Variants in RFTN1 observed in about 807,000 individuals in gnomAD.
RFTN1 encodes raftlin.
RFTN1 carries 26 observed loss-of-function variants against 46.5 expected under a neutral mutation model. That is an observed-to-expected ratio of 0.56 (90% confidence interval 0.41 to 0.78). The LOEUF is 0.78. RFTN1 is among the 30% of genes least tolerant of loss of function. The probability of loss-of-function intolerance (pLI) is 0.00; values close to 1 mark genes in which losing one functional copy is unlikely to be tolerated. For missense variants in RFTN1, 693 were observed against 718.7 expected (o/e 0.96, Z 0.41); for synonymous variants, 261 against 284.2 (o/e 0.92, Z 0.82).
At chr3:16,360,510 G>A (rs2072761748) in intron 6 of RFTN1, among the ~76,000 whole-genome samples, 2 of 152,168 alleles carry the variant, frequency 1.3e-5, no homozygotes, top group South Asian at 4.1e-4. Context: ...GCTGGTAAAG[G>A]TATGGTGATA....
At chr3:16,399,528 C>G (rs1247126948) in intron 4 of RFTN1, among the ~76,000 whole-genome samples, 1 of 152,212 alleles carries the variant, frequency 6.6e-6, no homozygotes, top group Non-Finnish European at 1.5e-5. Context: ...CCCCTGGCCT[C>G]CATCCCCCAC....
chr3:16,385,108 G>C lies in RFTN1; in HGVS notation c.442-7006C>G, dbSNP rs1448821149. On this transcript the variant is annotated intron_variant, in intron 4 of 9. Transcript: ENST00000334133. This position sits in a 1 kb window ranked among gnomAD's most constrained non-coding sequence, Gnocchi z 5.0. Reference sequence around the variant, plus strand: ...GACAACATAGCACAGCACACGCAGGGAGCCCACAGCAGAGGCATGCCCTAG... The same window carrying C: ...GACAACATAGCACAGCACACGCAGGCAGCCCACAGCAGAGGCATGCCCTAG... Among the ~76,000 whole-genome samples the C allele has an allele frequency of 6.6e-6, 1 of 152,110 alleles. No homozygotes were observed. The highest frequency in any genetic ancestry group is 6.5e-5 in the Admixed American group (1 of 15,278).
chr3:16,392,664 T>C (rs961476642), intron 4 of RFTN1, among the ~76,000 whole-genome samples: 2 of 113,436 alleles, frequency 1.8e-5, no homozygotes, highest in African/African-American at 4.9e-5. Flanking sequence ...TGTGTATATA[T>C]GTACACACAC....
chr3:16,329,599 C>A lies in RFTN1; in HGVS notation c.1147-2723G>T, dbSNP rs1367843660. Among the ~76,000 whole-genome samples, 1 of 152,178 alleles carries A rather than the reference C, an allele frequency of 6.6e-6. No individual in the cohort carries two copies. Among genetic ancestry groups the A allele is most frequent in the African/African-American group, 2.4e-5 (1 of 41,458 alleles). On this transcript the variant is annotated intron_variant, in intron 7 of 9. Coordinates refer to ENST00000334133, the MANE Select transcript of RFTN1 (RefSeq NM_015150.2). The surrounding 1 kb of genome is among the most constrained non-coding windows in gnomAD (Gnocchi z 4.5). ...CCCGTATTCCTCCTGCTGGGTGCCA[C>A]GCTCACCACCTGCTGAAGGAGTCCT...
At chr3:16,486,404 T>C (rs984261220) in intron 2 of RFTN1, among the ~76,000 whole-genome samples, 7 of 152,154 alleles carry the variant, frequency 4.6e-5, no homozygotes, top group African/African-American at 1.4e-4. Flanking sequence ...AGACCTTTCA[T>C]CATCTGGCCC....
chr3:16,353,916 C>A lies in RFTN1; in HGVS notation c.1146+4016G>T, dbSNP rs149226992. Among the ~76,000 whole-genome samples, 14 of 152,236 alleles carry A rather than the reference C, an allele frequency of 9.2e-5. 2 individuals carry two copies. Among genetic ancestry groups the A allele is most frequent in the Admixed American group, 2.0e-4 (3 of 15,298 alleles). On this transcript the variant is annotated intron_variant, in intron 7 of 9. Transcript: ENST00000334133. This position sits in a 1 kb window ranked among gnomAD's most constrained non-coding sequence, Gnocchi z 5.4. Reference sequence around the variant, plus strand: ...GGAAAGAAATTTCTGTCGTTTAATCCGTCTAGTCTGGTATTTTGTTATGGC... The same window carrying A: ...GGAAAGAAATTTCTGTCGTTTAATCAGTCTAGTCTGGTATTTTGTTATGGC...
At chr3:16,347,419 C>A (rs960930021) in intron 7 of RFTN1, among the ~76,000 whole-genome samples, 1 of 152,252 alleles carries the variant, frequency 6.6e-6, no homozygotes, top group South Asian at 2.1e-4. Flanking sequence ...AAGGTTATAA[C>A]AGGCCCATGC....
chr3:16,396,663 A>G (rs533067963), intron 4 of RFTN1, among the ~76,000 whole-genome samples: 27 of 152,190 alleles, frequency 1.8e-4, no homozygotes, highest in Admixed American at 5.9e-4. Context: ...AATGTTTGGG[A>G]CAGGAAGATT....
At chr3:16,431,738 A>G (rs2075392126) in intron 3 of RFTN1, among the ~76,000 whole-genome samples, 1 of 152,218 alleles carries the variant, frequency 6.6e-6, no homozygotes, top group Admixed American at 6.5e-5. Flanking sequence ...CCTTGCTGAA[A>G]TTCTGATTTA....
intron 5 of RFTN1, among the ~76,000 whole-genome samples, chr3:16,373,519 G>A (rs559749196): frequency 1.3e-5 from 2 of 152,342 alleles, no homozygotes; most frequent in African/African-American, 4.8e-5. Context: ...CTGTACCTGG[G>A]CGTGGGGACT....
chr3:16,482,626 A>G, intron 2 of RFTN1: 1 of 896,058 alleles, frequency 1.1e-6, no homozygotes, highest in Non-Finnish European at 1.8e-6. Flanking sequence ...AACCTCACTG[A>G]GCCTTGTTTC....
intron 2 of RFTN1, among the ~76,000 whole-genome samples, chr3:16,477,872 C>A (rs1369042408): frequency 1.3e-5 from 2 of 152,220 alleles, no homozygotes; most frequent in African/African-American, 4.8e-5. Context: ...GAAGGCATTT[C>A]TTAAACATAT....
chr3:16,512,375 T>C lies in RFTN1; in HGVS notation c.-9+1067A>G, dbSNP rs558068120. Among the ~76,000 whole-genome samples, 2 of 151,834 alleles carry C rather than the reference T, an allele frequency of 1.3e-5. No individual in the cohort carries two copies. Among genetic ancestry groups the C allele is most frequent in the Non-Finnish European group, 2.9e-5 (2 of 68,008 alleles). On this transcript the variant is annotated intron_variant, in intron 1 of 9. Coordinates refer to ENST00000334133, the MANE Select transcript of RFTN1 (RefSeq NM_015150.2). The surrounding 1 kb of genome is among the most constrained non-coding windows in gnomAD (Gnocchi z 4.3). ...ACTACAAGGGTTCCAGCACATGAGT[T>C]GCTGGAAACTGGGGTGACCACTGAC...
In RFTN1 at chr3:16,443,083, A is replaced by C. The variant is rs898340534; in HGVS notation, c.146-9046T>G. Reference sequence around the variant, plus strand: ...TACTGATTTCATTTCCTTTGGAGAAATACCCAGTAATGGGATTGCTAGATC... The same window carrying C: ...TACTGATTTCATTTCCTTTGGAGAACTACCCAGTAATGGGATTGCTAGATC... On this transcript the variant is annotated intron_variant, in intron 2 of 9. Coordinates refer to ENST00000334133, the MANE Select transcript of RFTN1 (RefSeq NM_015150.2). The surrounding 1 kb of genome is among the most constrained non-coding windows in gnomAD (Gnocchi z 5.5). Among the ~76,000 whole-genome samples, 1 of 152,216 alleles carries C rather than the reference A, an allele frequency of 6.6e-6. No individual in the cohort carries two copies. Among genetic ancestry groups the C allele is most frequent in the Admixed American group, 6.5e-5 (1 of 15,280 alleles).
chr3:16,375,252 CTAGGAGAAAGAT>C (rs1392263707), intron 5 of RFTN1, among the ~76,000 whole-genome samples: 2 of 151,860 alleles, frequency 1.3e-5, no homozygotes, highest in African/African-American at 4.8e-5. Flanking sequence ...AGTGGGCTTC[CTAGGAGAAAGAT>C]TAGGAGAGAG....
chr3:16,499,422 G>A lies in RFTN1; in HGVS notation c.-8-5545C>T, dbSNP rs529447744. ...GTGGAATCCAGCCACCATGCCATGAGGAAGCTCAAGTAGCCCCAAAGAGGG... is the reference window on the plus strand; with the variant it reads ...GTGGAATCCAGCCACCATGCCATGAAGAAGCTCAAGTAGCCCCAAAGAGGG... On this transcript the variant is annotated intron_variant, in intron 1 of 9. Transcript: ENST00000334133. This position sits in a 1 kb window ranked among gnomAD's most constrained non-coding sequence, Gnocchi z 4.9. 2.8e-4 allele frequency among the ~76,000 whole-genome samples: 43 copies of A among 152,326 alleles called. No homozygotes were observed. Among genetic ancestry groups the A allele is most frequent in the African/African-American group, 1.0e-3 (43 of 41,572 alleles).
At chr3:16,392,180 A>C (rs1443900770) in intron 4 of RFTN1, among the ~76,000 whole-genome samples, 1 of 152,184 alleles carries the variant, frequency 6.6e-6, no homozygotes, top group Non-Finnish European at 1.5e-5. Flanking sequence ...TCCCAAAGGC[A>C]GAAAAGGGGA....
intron 4 of RFTN1, among the ~76,000 whole-genome samples, chr3:16,404,880 T>C (rs552891997): frequency 2.0e-5 from 3 of 152,244 alleles, no homozygotes; most frequent in South Asian, 2.1e-4. Flanking sequence ...TTCCAGCCCC[T>C]GGACAAAGCC....
chr3:16,344,483 G>A lies in RFTN1; in HGVS notation c.1146+13449C>T, dbSNP rs1043724201. 1.3e-5 allele frequency among the ~76,000 whole-genome samples: 2 copies of A among 152,136 alleles called. No homozygotes were observed. The highest frequency in any genetic ancestry group is 2.9e-5 in the Non-Finnish European group (2 of 68,014). On this transcript the variant is annotated intron_variant, in intron 7 of 9. Transcript: ENST00000334133. The surrounding 1 kb of genome is among the most constrained non-coding windows in gnomAD (Gnocchi z 4.4). ...CAGAGTCTTCCCCACTCTCAGACCT[G>A]CCCTGGCCTTCTTCCCCCTCGCCCA...
Sources: allele counts gnomAD v4.1 joint callset (sites outside exome capture counted in the v4.1 genomes callset), GRCh38; gene constraint gnomAD v4.1.1; non-coding constraint Gnocchi (gnomAD v3.1); transcripts MANE v1.5; gene names NCBI Gene and HGNC (gene_info 2026-07-23, HGNC 2026-07-21).